The following UCK2 variants were observed in gnomAD, a reference collection of about 807,000 sequenced individuals.
UCK2 encodes the protein cytidine monophosphokinase 2.
Under a neutral mutation model 30.8 loss-of-function variants are expected in UCK2, and 6 were observed. The ratio of observed to expected loss-of-function variants is 0.19; its 90% CI spans 0.11 to 0.38. UCK2 has a LOEUF of 0.38. Ranked by LOEUF, UCK2 falls within the 10% of genes least tolerant of loss-of-function variation. UCK2 has a pLI of 1.00. For synonymous variants in UCK2, 125 were observed against 133.6 expected, an observed-to-expected ratio of 0.94 and a Z score of 0.45; for missense variants, 210 against 339.8, an observed-to-expected ratio of 0.62 and a Z score of 3.00.
At chr1:165,881,535 C>T (rs981378066) in intron 1 of UCK2, among the ~76,000 whole-genome samples, 2 of 152,176 alleles carry the variant, frequency 1.3e-5, no homozygotes, top group South Asian at 2.1e-4. Flanking sequence ...GTTTTTCAGA[C>T]GTTTGACTTT....
chr1:165,888,618 C>T (rs1027268361), intron 1 of UCK2, among the ~76,000 whole-genome samples: 14 of 141,788 alleles, frequency 9.9e-5, no homozygotes, highest in African/African-American at 2.1e-4. Flanking sequence ...TCTATTTATT[C>T]GGTTGACCAG....
intron 1 of UCK2, among the ~76,000 whole-genome samples, chr1:165,873,277 T>C (rs1190461441): frequency 6.6e-6 from 1 of 152,216 alleles, no homozygotes; most frequent in East Asian, 1.9e-4. Context: ...ATTGATTGAA[T>C]AGACTTCACC....
chr1:165,868,895 G>A (rs962391438), intron 1 of UCK2, among the ~76,000 whole-genome samples: 6 of 152,110 alleles, frequency 3.9e-5, no homozygotes, highest in African/African-American at 7.2e-5. Context: ...CTTGGCTTTC[G>A]ACATGCCTTC....
intron 1 of UCK2, among the ~76,000 whole-genome samples, chr1:165,833,190 C>A (rs1470166797): frequency 6.6e-6 from 1 of 152,194 alleles, no homozygotes; most frequent in East Asian, 1.9e-4. Flanking sequence ...TCAGGTGTTC[C>A]CAGGACTGTG....
intron 1 of UCK2, among the ~76,000 whole-genome samples, chr1:165,863,969 T>G (rs778060128): frequency 4.6e-5 from 7 of 152,050 alleles, no homozygotes; most frequent in Non-Finnish European, 1.0e-4. Flanking sequence ...TCCTGCCTTA[T>G]TTTTTTTCCT....
chr1:165,837,082 C>T lies in UCK2; in HGVS notation c.99+9150C>T, dbSNP rs539412951. Among the ~76,000 whole-genome samples, 156 of 152,250 alleles carry T rather than the reference C, an allele frequency of 1.0e-3. 2 individuals are homozygous for T. In the Middle Eastern group the frequency reaches 0.034, roughly 33 times the overall value. On this transcript the variant is annotated intron_variant, in intron 1 of 6. Coordinates refer to ENST00000367879, the MANE Select transcript of UCK2 (RefSeq NM_012474.5). ...TGCTCCCACGATAATGGCATTAATC[C>T]AGTTCATGATGGTGGTGCCTCCAAG...
At chr1:165,854,708 T>G (rs982760427) in intron 1 of UCK2, among the ~76,000 whole-genome samples, 4 of 152,202 alleles carry the variant, frequency 2.6e-5, no homozygotes, top group Admixed American at 1.3e-4. Flanking sequence ...TTTCCTATGT[T>G]TGTTCTGATT....
chr1:165,827,937 G>A lies in UCK2; in HGVS notation c.99+5G>A, dbSNP rs768981987. 5.8e-6 allele frequency: 8 copies of A among 1,377,010 alleles called. No homozygotes were observed. Among genetic ancestry groups the A allele is most frequent in the Non-Finnish European group, 7.6e-6 (8 of 1,056,018 alleles). 85.3% of individuals were successfully genotyped at this position (1,377,010 alleles called of 1,614,324 possible). On this transcript the variant is annotated splice_donor_5th_base_variant and intron_variant, in intron 1 of 6. Transcript: ENST00000367879. ...GGGGGAACAGCTAGCGGCAAGGTAC[G>A]GCGGGGCCCGGAGCCGCGCTCCCTT...
intron 4 of UCK2, among the ~76,000 whole-genome samples, chr1:165,896,735 G>C (rs1308535274): frequency 6.6e-6 from 1 of 152,244 alleles, no homozygotes; most frequent in Non-Finnish European, 1.5e-5. Context: ...CCCTGTGCCT[G>C]AAGTACTGGG....
intron 1 of UCK2, among the ~76,000 whole-genome samples, chr1:165,876,754 G>A (rs1265343520): frequency 6.6e-6 from 1 of 152,152 alleles, no homozygotes; most frequent in East Asian, 1.9e-4. Context: ...TGAAATTTAG[G>A]TGTGGGCAGT....
chr1:165,882,941 C>T (rs934545952), intron 1 of UCK2, among the ~76,000 whole-genome samples: 16 of 152,262 alleles, frequency 1.1e-4, no homozygotes, highest in Admixed American at 2.6e-4. Context: ...CCTCCTGCCT[C>T]GGCCTCCCAA....
intron 1 of UCK2, chr1:165,885,328 A>G (rs995828512): frequency 1.5e-5 from 6 of 398,454 alleles, no homozygotes; most frequent in Admixed American, 4.4e-5. Context: ...AAGAAGACAA[A>G]GTAATACTTG....
intron 1 of UCK2, among the ~76,000 whole-genome samples, chr1:165,849,155 C>T (rs896087587): frequency 2.0e-5 from 3 of 152,104 alleles, no homozygotes; most frequent in East Asian, 1.9e-4. Flanking sequence ...TTAGGCTGAT[C>T]TAATAATTGG....
chr1:165,910,874 T>C lies in UCK2; in HGVS notation c.*3051T>C, dbSNP rs526374. On this transcript the variant is annotated 3_prime_UTR_variant, in exon 7 of 7. Coordinates refer to ENST00000367879, the MANE Select transcript of UCK2 (RefSeq NM_012474.5). ...TCACTTGGGCTTGGAGCTGGATACT[T>C]GTGGCCACGCCCAGGATAGGTTGCC... The C allele has an allele frequency of 0.98, 149,844 of 152,374 alleles. 73,731 individuals are homozygous for C. The highest frequency in any genetic ancestry group is 1 in the South Asian group (4,823 of 4,824). The allele number at this position is 152,374 out of a possible 1,614,324, so 9.4% of individuals were successfully genotyped here.
At chr1:165,866,902 G>A (rs912734704) in intron 1 of UCK2, among the ~76,000 whole-genome samples, 5 of 152,100 alleles carry the variant, frequency 3.3e-5, no homozygotes, top group Non-Finnish European at 1.5e-5. Context: ...ATAGGCACTG[G>A]GTTACTTTCA....
intron 1 of UCK2, among the ~76,000 whole-genome samples, chr1:165,849,053 A>G (rs1189665779): frequency 1.3e-5 from 2 of 152,212 alleles, no homozygotes; most frequent in Non-Finnish European, 2.9e-5. Flanking sequence ...CTGGAGTTTG[A>G]GATCAGCTTG....
intron 1 of UCK2, among the ~76,000 whole-genome samples, chr1:165,858,910 G>A (rs965970976): frequency 6.6e-6 from 1 of 152,158 alleles, no homozygotes; most frequent in Admixed American, 6.5e-5. Context: ...TCATTCTGAG[G>A]CCTTCAGGGA....
chr1:165,867,390 A>T (rs1655073242), intron 1 of UCK2, among the ~76,000 whole-genome samples: 1 of 152,198 alleles, frequency 6.6e-6, no homozygotes, highest in African/African-American at 2.4e-5. Flanking sequence ...GTTTGATGGC[A>T]TTTTGCCCAT....
rs954206297 is a variant in UCK2 at position 165,908,647 on chromosome 1, A to C, written c.*824A>C. ...CAGAGCTGCCTCTTTCCTTCCCTGGAAGAGATTTTATGGGATCGCTTCCTG... is the reference window on the plus strand; with the variant it reads ...CAGAGCTGCCTCTTTCCTTCCCTGGCAGAGATTTTATGGGATCGCTTCCTG... On this transcript the variant is annotated 3_prime_UTR_variant, in exon 7 of 7. Coordinates refer to ENST00000367879, the MANE Select transcript of UCK2 (RefSeq NM_012474.5). 6.6e-6 allele frequency: 1 copy of C among 151,910 alleles called. No homozygotes were observed. The highest frequency in any genetic ancestry group is 1.5e-5 in the Non-Finnish European group (1 of 67,998). The allele number at this position is 151,910 out of a possible 1,614,324, so 9.4% of individuals were successfully genotyped here. A position where few individuals can be genotyped will look rare whatever the true frequency, so the allele number is the denominator to read the frequency against.
Sources: gnomAD v4.1 joint callset for allele counts (sites outside exome capture counted in the v4.1 genomes callset) on GRCh38, gnomAD v4.1.1 for gene constraint, MANE v1.5 for transcripts, NCBI Gene and HGNC (gene_info 2026-07-23, HGNC 2026-07-21) for gene names.